Variants in RARRES1 observed in about 807,000 individuals in gnomAD.
RARRES1 encodes the protein retinoic acid receptor responder protein 1.
In RARRES1, 34 loss-of-function variants were observed where a neutral mutation model predicts 30.6. The observed-to-expected ratio is 1.11, with a 90% CI of 0.84 to 1.48. The LOEUF is 1.48. Among genes scored for constraint, RARRES1 ranks in the 40% most tolerant of loss-of-function variants. RARRES1 has a pLI of 0.00. For synonymous variants in RARRES1, 153 were observed against 155.5 expected, an observed-to-expected ratio of 0.98 and a Z score of 0.12; for missense variants, 373 against 386.5, an observed-to-expected ratio of 0.97 and a Z score of 0.29.
intron 3 of RARRES1, among the ~76,000 whole-genome samples, chr3:158,708,019 G>A (rs1227796820): frequency 6.6e-6 from 1 of 152,164 alleles, no homozygotes. Context: ...TATTTTTACA[G>A]ATGTTATTGT....
chr3:158,718,731 G>A (rs2108146632), intron 1 of RARRES1, among the ~76,000 whole-genome samples: 1 of 152,342 alleles, frequency 6.6e-6, no homozygotes, highest in African/African-American at 2.4e-5. Flanking sequence ...GTGGGGAGGT[G>A]GGGCTTTAGA....
Position 158,713,942 on chromosome 3 carries a change from A to G in RARRES1, c.277-83T>C, listed in dbSNP as rs1185842478. The G allele has an allele frequency of 3.2e-6, 4 of 1,252,508 alleles. No individual in the cohort carries two copies. The African/African-American group carries it at 6.0e-5, about 19-fold the overall frequency. 77.6% of individuals were successfully genotyped at this position (1,252,508 alleles called of 1,614,324 possible). ...CCAGGAATCACACTCTTAGGATAAC[A>G]TGGCATGCAAATGGTGGCTGTAGCA... On this transcript the variant is annotated intron_variant, in intron 1 of 5. Transcript: ENST00000237696.
chr3:158,715,861 TC>T (rs1365581928), intron 1 of RARRES1, among the ~76,000 whole-genome samples: 1 of 152,194 alleles, frequency 6.6e-6, no homozygotes, highest in Non-Finnish European at 1.5e-5. Flanking sequence ...AAGTTCAGCA[TC>T]CTTAGTACCT....
At chr3:158,730,069 C>G (rs1216522483) in intron 1 of RARRES1, among the ~76,000 whole-genome samples, 1 of 151,916 alleles carries the variant, frequency 6.6e-6, no homozygotes, top group Non-Finnish European at 1.5e-5. Flanking sequence ...TGCCTGTAAT[C>G]CCAGCACTTT....
Position 158,732,239 on chromosome 3 carries a change from C to A in RARRES1, c.177G>T (p.Leu59=), listed in dbSNP as rs748476565. 1.4e-6 allele frequency: 2 copies of A among 1,390,378 alleles called. No individual in the cohort carries two copies. The highest frequency in any genetic ancestry group is 1.8e-6 in the Non-Finnish European group (2 of 1,081,098). 86.1% of individuals were successfully genotyped at this position (1,390,378 alleles called of 1,614,324 possible). A position where few individuals can be genotyped will look rare whatever the true frequency, so the allele number is the denominator to read the frequency against. The part of the protein sequence containing the change: ...PQDAGVPRRL[L]QQAARAALHF... ...GAAGCGCCGCGCGCGCCGCCTGCTG[C>A]AGGAGCCTGCGCGGGACCCCAGCAT... The change falls in exon 1 of 6, where the codon CTG becomes CTT. Residue 59 remains leucine (L), a synonymous_variant. Transcript: ENST00000237696.
intron 1 of RARRES1, among the ~76,000 whole-genome samples, chr3:158,724,191 T>C (rs1014913291): frequency 2.6e-5 from 4 of 152,118 alleles, no homozygotes; most frequent in African/African-American, 4.8e-5. Context: ...ATTTTCTGGG[T>C]ACCGGCATAT....
chr3:158,719,306 C>G (rs2108147129), intron 1 of RARRES1, among the ~76,000 whole-genome samples: 1 of 143,904 alleles, frequency 6.9e-6, no homozygotes, highest in Non-Finnish European at 1.5e-5. Context: ...GAGTCTCACT[C>G]TGTCACCCAG....
At chr3:158,698,677 C>CT (rs11448918) in intron 4 of RARRES1, among the ~76,000 whole-genome samples, 56,863 of 147,398 alleles carry the variant, frequency 0.39, 11,239 homozygotes, top group African/African-American at 0.49. Context: ...CTGACATTTC[C>CT]TTTTTTTTTT....
chr3:158,732,018 C>G, intron 1 of RARRES1, 122 bp downstream of exon 1: 1 of 1,014,390 alleles, frequency 9.9e-7, no homozygotes. Context: ...GGGCGTCGTG[C>G]GCACTGCACC....
intron 3 of RARRES1, among the ~76,000 whole-genome samples, chr3:158,707,623 C>G (rs1278222199): frequency 6.6e-6 from 1 of 152,016 alleles, no homozygotes; most frequent in Non-Finnish European, 1.5e-5. Flanking sequence ...GAGGCAAGAC[C>G]GTCTCCTGAA....
intron 4 of RARRES1, among the ~76,000 whole-genome samples, chr3:158,701,764 C>G (rs936008737): frequency 5.3e-5 from 8 of 152,186 alleles, no homozygotes; most frequent in Admixed American, 2.0e-4. Context: ...TATGTGCATA[C>G]TTTTCTTTAA....
chr3:158,697,392 C>T lies in RARRES1; in HGVS notation c.*286G>A. The T allele has an allele frequency of 3.6e-6, 1 of 277,648 alleles. No homozygotes were observed. Among genetic ancestry groups the T allele is most frequent in the Non-Finnish European group, 6.7e-6 (1 of 149,418 alleles). The allele number at this position is 277,648 out of a possible 1,614,324, so 17.2% of individuals were successfully genotyped here. ...AAAAAAAATGCTGATTCTGGTGCAA[C>T]ATACACTGATTATCCAGGTTTTACA... On this transcript the variant is annotated 3_prime_UTR_variant, in exon 6 of 6. Coordinates refer to ENST00000237696, the MANE Select transcript of RARRES1 (RefSeq NM_206963.2).
chr3:158,701,794 G>A (rs1200819065), intron 4 of RARRES1, among the ~76,000 whole-genome samples: 1 of 152,142 alleles, frequency 6.6e-6, no homozygotes, highest in Non-Finnish European at 1.5e-5. Flanking sequence ...AAGCTGAAAT[G>A]CGTGTCAGCC....
At chr3:158,716,429 A>C (rs1167679284) in intron 1 of RARRES1, among the ~76,000 whole-genome samples, 1 of 152,230 alleles carries the variant, frequency 6.6e-6, no homozygotes, top group Non-Finnish European at 1.5e-5. Context: ...ATAATTGTGC[A>C]TATTTTAAAT....
intron 3 of RARRES1, among the ~76,000 whole-genome samples, chr3:158,706,021 G>T (rs1040839056): frequency 1.3e-5 from 2 of 152,050 alleles, no homozygotes; most frequent in Non-Finnish European, 2.9e-5. Context: ...ACTATATTAA[G>T]GCCTAATAAT....
At chr3:158,708,065 A>C (rs2108135968) in intron 3 of RARRES1, among the ~76,000 whole-genome samples, 1 of 152,370 alleles carries the variant, frequency 6.6e-6, no homozygotes, top group East Asian at 1.9e-4. Context: ...TCCTGACAAG[A>C]ATATCAGCAT....
chr3:158,728,762 G>T (rs534087511), intron 1 of RARRES1, among the ~76,000 whole-genome samples: 1 of 152,146 alleles, frequency 6.6e-6, no homozygotes, highest in African/African-American at 2.4e-5. Context: ...GACCTCAAGT[G>T]ATCTGCTTGC....
chr3:158,697,786 G>C lies in RARRES1; in HGVS notation c.777C>G (p.Gly259=). ...AGTGGTACTTCACTTTAAGAGGTTT[G>C]CCAGGGTACCAGACCAAGTGAATGC... is the stretch of plus-strand genomic sequence containing the variant. ...PCRIHLVWYP[G]KPLKVKYHCQ... The change falls in exon 6 of 6, where the codon GGC becomes GGG. Residue 259 remains glycine (G), a synonymous_variant. Coordinates refer to ENST00000237696, the MANE Select transcript of RARRES1 (RefSeq NM_206963.2). The C allele has an allele frequency of 1.9e-6, 3 of 1,611,430 alleles. No individual in the cohort carries two copies. The highest frequency in any genetic ancestry group is 2.5e-6 in the Non-Finnish European group (3 of 1,177,586).
intron 1 of RARRES1, among the ~76,000 whole-genome samples, chr3:158,717,570 G>T (rs1727362244): frequency 6.6e-6 from 1 of 152,260 alleles, no homozygotes; most frequent in African/African-American, 2.4e-5. Context: ...GGCTGACTGG[G>T]TGGCAAGGGC....
Sources: gnomAD v4.1 joint callset for allele counts (sites outside exome capture counted in the v4.1 genomes callset) on GRCh38, gnomAD v4.1.1 for gene constraint, MANE v1.5 for transcripts, NCBI Gene and HGNC (gene_info 2026-07-23, HGNC 2026-07-21) for gene names.